Variants in LIMS1 observed in about 807,000 individuals in gnomAD.
LIMS1 encodes the protein LIM and senescent cell antigen-like-containing domain protein 1.
A neutral mutation model predicts 44.1 loss-of-function variants in LIMS1; 18 were observed. The observed-to-expected ratio is 0.41, with a 90% CI of 0.28 to 0.61. The LOEUF (loss-of-function observed/expected upper bound fraction) is 0.61, where lower values mean the gene tolerates loss of function less well. Among genes scored for constraint, LIMS1 ranks in the 20% least tolerant of loss-of-function variants. The probability of loss-of-function intolerance (pLI) is 0.32; values close to 1 mark genes in which losing one functional copy is unlikely to be tolerated. For synonymous variants in LIMS1, 93 were observed against 149.1 expected (o/e 0.62, Z 2.74); for missense variants, 201 against 422.0 (o/e 0.48, Z 4.59).
At chr2:108,664,521 C>T (rs1691611212) in intron 2 of LIMS1, among the ~76,000 whole-genome samples, 1 of 152,146 alleles carries the variant, frequency 6.6e-6, no homozygotes, top group Admixed American at 6.5e-5. Flanking sequence ...TTCTAACAGG[C>T]TTATTGTATT....
At chr2:108,570,914 C>A (rs1017350229) in intron 1 of LIMS1, among the ~76,000 whole-genome samples, 2 of 152,194 alleles carry the variant, frequency 1.3e-5, no homozygotes, top group African/African-American at 4.8e-5. Flanking sequence ...CTCTTAATAG[C>A]TAACTGAAGA....
intron 1 of LIMS1, among the ~76,000 whole-genome samples, chr2:108,565,275 T>G (rs1685257204): frequency 6.6e-6 from 1 of 152,174 alleles, no homozygotes; most frequent in Non-Finnish European, 1.5e-5. Flanking sequence ...GATGATACAA[T>G]TTCTGGGAAG....
At chr2:108,622,104 T>C (rs1688284372) in intron 1 of LIMS1, among the ~76,000 whole-genome samples, 1 of 152,260 alleles carries the variant, frequency 6.6e-6, no homozygotes, top group Admixed American at 6.5e-5. Context: ...ATTAAGCCTA[T>C]GTGTTAAAAT....
At chr2:108,559,274 T>G (rs1335540852) in intron 1 of LIMS1, among the ~76,000 whole-genome samples, 1 of 152,170 alleles carries the variant, frequency 6.6e-6, no homozygotes, top group Non-Finnish European at 1.5e-5. Context: ...TGAGAATTGG[T>G]TCCTGAGAAT....
chr2:108,669,854 C>A (rs1175677585), intron 2 of LIMS1, among the ~76,000 whole-genome samples: 2 of 152,110 alleles, frequency 1.3e-5, no homozygotes, highest in Admixed American at 1.3e-4. Context: ...CAGCCCTACT[C>A]ATTTCACTAT....
intron 1 of LIMS1, among the ~76,000 whole-genome samples, chr2:108,562,203 A>G (rs1685148639): frequency 6.6e-6 from 1 of 152,216 alleles, no homozygotes; most frequent in Non-Finnish European, 1.5e-5. Context: ...GGGCCTCCCT[A>G]TTCCCTGAGA....
At position 108,543,883 on chromosome 2, in the gene LIMS1, C is replaced by T. The variant is rs141736507; in HGVS notation, c.32+9289C>T. On this transcript the variant is annotated intron_variant, in intron 1 of 9. Transcript: ENST00000544547. Reference sequence around the variant, plus strand: ...TCATCTGCATCTCGTTATTGGGCCACGAGAAATAGCAGCCCAACCCTCAGT... The same window carrying T: ...TCATCTGCATCTCGTTATTGGGCCATGAGAAATAGCAGCCCAACCCTCAGT... Among the ~76,000 whole-genome samples the T allele has an allele frequency of 2.4e-3, 372 of 152,188 alleles. 2 individuals are homozygous for T. The highest frequency in any genetic ancestry group is 8.5e-3 in the African/African-American group (352 of 41,506).
chr2:108,553,200 G>T (rs1468618426), intron 1 of LIMS1, among the ~76,000 whole-genome samples: 1 of 152,178 alleles, frequency 6.6e-6, no homozygotes, highest in African/African-American at 2.4e-5. Context: ...AGGGTTCAAG[G>T]TTTCCTTCTC....
chr2:108,663,139 G>C (rs2438232), intron 2 of LIMS1, among the ~76,000 whole-genome samples: 18 of 151,574 alleles, frequency 1.2e-4, no homozygotes, highest in Admixed American at 1.2e-3. Context: ...TTTTTCTTAA[G>C]ACAGGGTCTT....
exon 10 of LIMS1, chr2:108,685,350 T>C (rs1693244569): frequency 6.6e-6 from 1 of 152,128 alleles, no homozygotes; most frequent in South Asian, 2.1e-4. Flanking sequence ...AAAGCGAGCT[T>C]TATGAACATT....
chr2:108,641,154 A>G (rs921821260), intron 1 of LIMS1, among the ~76,000 whole-genome samples: 1 of 152,142 alleles, frequency 6.6e-6, no homozygotes, highest in African/African-American at 2.4e-5. Context: ...ATCTGAAACG[A>G]TGTATTTTAG....
At chr2:108,669,891 A>G (rs1270981672) in intron 2 of LIMS1, among the ~76,000 whole-genome samples, 1 of 152,194 alleles carries the variant, frequency 6.6e-6, no homozygotes, top group African/African-American at 2.4e-5. Flanking sequence ...TCAAGTAAAC[A>G]TAGTATAAAA....
At position 108,569,764 on chromosome 2, in the gene LIMS1, C is replaced by CTTTTTT. The variant is rs10596766; in HGVS notation, c.32+35184_32+35189dup. 2.7e-4 allele frequency among the ~76,000 whole-genome samples: 31 copies of CTTTTTT among 113,116 alleles called. 1 individual carries two copies. The highest frequency in any genetic ancestry group is 6.5e-4 in the South Asian group (2 of 3,062). The allele number at this position is 113,116 out of a possible 152,430, so 74.2% of individuals were successfully genotyped here. A position where few individuals can be genotyped will look rare whatever the true frequency, so the allele number is the denominator to read the frequency against. ...TACAAACACTCACCGCCATATCTGGCTTTTTTTTTTTTTTTTTTTAGTGAT... is the reference window on the plus strand; with the variant it reads ...TACAAACACTCACCGCCATATCTGGCTTTTTTTTTTTTTTTTTTTTTTTTTAGTGAT... On this transcript the variant is annotated intron_variant, in intron 1 of 9. Coordinates refer to ENST00000544547, the Ensembl canonical transcript of LIMS1.
chr2:108,591,287 G>T (rs968291028), intron 1 of LIMS1, among the ~76,000 whole-genome samples: 6 of 152,126 alleles, frequency 3.9e-5, no homozygotes, highest in African/African-American at 9.7e-5. Context: ...CATGGGTAAT[G>T]CCAGATGTGT....
chr2:108,588,719 C>G, intron 1 of LIMS1: 1 of 596,878 alleles, frequency 1.7e-6, no homozygotes, highest in African/African-American at 2.0e-5. Context: ...TTGAAACTCT[C>G]TATGCAGAAA....
chr2:108,683,586 T>C (rs1021947712), intron 9 of LIMS1, among the ~76,000 whole-genome samples: 1 of 150,826 alleles, frequency 6.6e-6, no homozygotes, highest in Non-Finnish European at 1.5e-5. Context: ...AAGTTAATTA[T>C]ATTTACATTA....
rs577224340 is a variant in LIMS1 at position 108,597,499 on chromosome 2, C to T, written c.33-62106C>T. 3.2e-4 allele frequency among the ~76,000 whole-genome samples: 48 copies of T among 152,242 alleles called. 1 individual carries two copies. In the South Asian group the frequency reaches 9.5e-3, roughly 30 times the overall value. On this transcript the variant is annotated intron_variant, in intron 1 of 9. Coordinates refer to ENST00000544547, the Ensembl canonical transcript of LIMS1. ...AGCAGTCACTAGAGGGTGATGTTTTCTAGCATACAACATCAAGTTCTTTCC... is the reference window on the plus strand; with the variant it reads ...AGCAGTCACTAGAGGGTGATGTTTTTTAGCATACAACATCAAGTTCTTTCC...
chr2:108,558,358 C>T (rs1428944700), intron 1 of LIMS1, among the ~76,000 whole-genome samples: 1 of 152,010 alleles, frequency 6.6e-6, no homozygotes, highest in Non-Finnish European at 1.5e-5. Flanking sequence ...GCTGGGACTA[C>T]AGGTGCCTGC....
intron 1 of LIMS1, among the ~76,000 whole-genome samples, chr2:108,637,656 T>C (rs937222003): frequency 2.0e-5 from 3 of 152,182 alleles, no homozygotes; most frequent in African/African-American, 7.2e-5. Flanking sequence ...CTCTAATTTG[T>C]CTGTTTTGAC....
Sources: gnomAD v4.1 joint callset for allele counts (sites outside exome capture counted in the v4.1 genomes callset) on GRCh38, gnomAD v4.1.1 for gene constraint, MANE v1.5 for transcripts, NCBI Gene and HGNC (gene_info 2026-07-23, HGNC 2026-07-21) for gene names.